CFH: variants seen among roughly 807,000 people sequenced by gnomAD.
CFH encodes H factor 1 (complement).
Under a neutral mutation model 147.3 loss-of-function variants are expected in CFH, and 53 were observed. That is an observed-to-expected ratio of 0.36 (90% CI 0.29 to 0.45). The LOEUF is 0.45. Ranked by LOEUF, CFH falls within the 20% of genes least tolerant of loss-of-function variation. CFH has a pLI of 1.00. For synonymous variants in CFH, 536 were observed against 489.4 expected (o/e 1.10, Z -1.26); for missense variants, 1,380 against 1,498.0 (o/e 0.92, Z 1.30).
intron 9 of CFH, among the ~76,000 whole-genome samples, chr1:196,697,513 C>T (rs1668314122): frequency 6.6e-6 from 1 of 152,072 alleles, no homozygotes; most frequent in Admixed American, 6.5e-5. Context: ...ACAACAGGTG[C>T]CGGAGAGGAT....
At chr1:196,709,680 T>C (rs1668678827) in intron 9 of CFH, among the ~76,000 whole-genome samples, 1 of 152,160 alleles carries the variant, frequency 6.6e-6, no homozygotes, top group African/African-American at 2.4e-5. Context: ...TACCCTAGGA[T>C]AAAGAAGCCC....
chr1:196,729,460 G>A (rs1240639649), intron 15 of CFH, among the ~76,000 whole-genome samples: 1 of 151,938 alleles, frequency 6.6e-6, no homozygotes, highest in Non-Finnish European at 1.5e-5. Flanking sequence ...CATAGTGAAT[G>A]ATCTTTTTAA....
chr1:196,692,746 TTTTCTTTCTTTCTTTCTTTCTTTC>T (rs765086697), intron 9 of CFH, among the ~76,000 whole-genome samples: 1,270 of 41,618 alleles, frequency 0.031, 39 homozygotes, highest in African/African-American at 0.034. Context: ...CTTCCTTTCT[TTTTCTTTCTTTCTTTCTTTCTTTC>T]TTTCTTTCTT....
At chr1:196,704,678 G>A (rs1668544590) in intron 9 of CFH, among the ~76,000 whole-genome samples, 1 of 152,328 alleles carries the variant, frequency 6.6e-6, no homozygotes, top group South Asian at 2.1e-4. Context: ...AGCGCCCTTT[G>A]AGAGAAAAGG....
intron 9 of CFH, among the ~76,000 whole-genome samples, chr1:196,692,627 T>C (rs987940049): frequency 6.6e-6 from 1 of 150,962 alleles, no homozygotes; most frequent in Non-Finnish European, 1.5e-5. Flanking sequence ...TTTCATTCTT[T>C]TTTCTTTCTT....
In CFH at chr1:196,690,234, G is replaced by A. The variant is rs367932253; in HGVS notation, c.1331G>A (p.Arg444His). The change falls in exon 9 of 22, where the codon CGT becomes CAT. Residue 444 changes from arginine to histidine, a missense_variant. Arg to His is a conservative substitution (Grantham distance 29, BLOSUM62 0). Around this residue, in one of 4 missense-constraint regions of CFH, gnomAD observed 830 missense variants for 821.4 expected, o/e 1.01. Transcript: ENST00000367429. Reference sequence around the variant, plus strand: ...TGGTCTCCTACTCCCAGATGCATCCGTGTCAGTAAGTACACTACTCTGAAA... The same window carrying A: ...TGGTCTCCTACTCCCAGATGCATCCATGTCAGTAAGTACACTACTCTGAAA... ...NGWSPTPRCI[R>H]VKTCSKSSID... 5 of 1,613,064 alleles carry A rather than the reference G, an allele frequency of 3.1e-6. No homozygotes were observed. Among genetic ancestry groups the A allele is most frequent in the African/African-American group, 1.3e-5 (1 of 74,822 alleles).
At chr1:196,663,784 A>G (rs992706209) in intron 1 of CFH, among the ~76,000 whole-genome samples, 1 of 152,164 alleles carries the variant, frequency 6.6e-6, no homozygotes, top group African/African-American at 2.4e-5. Flanking sequence ...TCCTGTAAGA[A>G]GAGTGTGGTT....
intron 2 of CFH, 99 bp from the exon 3 acceptor site, chr1:196,673,758 T>C (rs1415628886): frequency 1.2e-6 from 1 of 803,674 alleles, no homozygotes; most frequent in Non-Finnish European, 2.2e-6. Flanking sequence ...ATTCAATCTG[T>C]CTTCTTATAT....
chr1:196,714,987 CATGTT>C (rs1215971665), intron 10 of CFH, among the ~76,000 whole-genome samples: 2 of 151,734 alleles, frequency 1.3e-5, no homozygotes, highest in Non-Finnish European at 2.9e-5. Flanking sequence ...TTAATATACT[CATGTT>C]AAGTGAAGTG....
At position 196,713,723 on chromosome 1, in the gene CFH, C is replaced by T. The variant is rs767545777; in HGVS notation, c.1337-12C>T. 5 of 1,525,502 alleles carry T rather than the reference C, an allele frequency of 3.3e-6. No individual in the cohort carries two copies. In the South Asian group the frequency reaches 4.5e-5, roughly 14 times the overall value. 94.5% of individuals were successfully genotyped at this position (1,525,502 alleles called of 1,614,324 possible). On this transcript the variant is annotated splice_polypyrimidine_tract_variant and intron_variant, in intron 9 of 21. Transcript: ENST00000367429. ...CATATGCTTGTCTTTTTCTTATTCT[C>T]TTCCCTTTTAGAAACATGTTCCAAA...
chr1:196,665,738 G>A (rs141127939), intron 1 of CFH, among the ~76,000 whole-genome samples: 167 of 152,280 alleles, frequency 1.1e-3, no homozygotes, highest in African/African-American at 3.8e-3. Context: ...CCCCCACGTA[G>A]CTGGGATTAC....
At chr1:196,727,968 G>C (rs1264803283) in intron 14 of CFH, among the ~76,000 whole-genome samples, 1 of 152,106 alleles carries the variant, frequency 6.6e-6, no homozygotes, top group African/African-American at 2.4e-5. Flanking sequence ...TAACCGGGAG[G>C]ATCTTGGGGA....
intron 11 of CFH, among the ~76,000 whole-genome samples, chr1:196,723,779 G>A (rs145928464): frequency 2.0e-5 from 3 of 152,116 alleles, no homozygotes; most frequent in East Asian, 3.9e-4. Flanking sequence ...GGAGATACCC[G>A]TAGCTTGTCT....
chr1:196,726,176 T>C (rs1385438780), intron 12 of CFH, among the ~76,000 whole-genome samples: 1 of 152,166 alleles, frequency 6.6e-6, no homozygotes, highest in Non-Finnish European at 1.5e-5. Context: ...ATAAAATGTT[T>C]CCATGAAATG....
intron 12 of CFH, among the ~76,000 whole-genome samples, chr1:196,725,746 G>A (rs1335765012): frequency 6.6e-6 from 1 of 152,076 alleles, no homozygotes; most frequent in Non-Finnish European, 1.5e-5. Flanking sequence ...GAGAGAGCAG[G>A]GCAGTGACAG....
intron 20 of CFH, among the ~76,000 whole-genome samples, chr1:196,744,569 C>T (rs1652935923): frequency 1.3e-5 from 2 of 152,228 alleles, no homozygotes; most frequent in South Asian, 4.1e-4. Context: ...CTGGCACTGA[C>T]ATTTAAATCT....
intron 9 of CFH, among the ~76,000 whole-genome samples, chr1:196,708,867 T>A (rs1668657540): frequency 6.6e-6 from 1 of 152,166 alleles, no homozygotes; most frequent in Admixed American, 6.6e-5. Flanking sequence ...TGGCAGAGCC[T>A]TCTAGGCATC....
chr1:196,701,551 CTT>C (rs1668449053), intron 9 of CFH: 2 of 591,210 alleles, frequency 3.4e-6, no homozygotes, highest in Non-Finnish European at 5.9e-6. Flanking sequence ...TTATTAAACT[CTT>C]TCTCTGCTGC....
At chr1:196,684,475 G>A (rs953021066) in intron 6 of CFH, among the ~76,000 whole-genome samples, 2 of 151,940 alleles carry the variant, frequency 1.3e-5, no homozygotes, top group African/African-American at 4.8e-5. Flanking sequence ...TGTATTAATT[G>A]TAAGAATCAA....
Sources: gnomAD v4.1 joint callset for allele counts (sites outside exome capture counted in the v4.1 genomes callset) on GRCh38, gnomAD v4.1.1 for gene constraint, gnomAD v4.1.1 regional missense constraint, MANE v1.5 for transcripts, NCBI Gene and HGNC (gene_info 2026-07-23, HGNC 2026-07-21) for gene names.